RBPJL: variants seen among roughly 807,000 people sequenced by gnomAD.
RBPJL encodes the protein recombination signal binding protein for immunoglobulin kappa J region like, also known as recombining binding protein suppressor of hairless-like protein.
In RBPJL, 50 loss-of-function variants were observed where a neutral mutation model predicts 57.6. That is an observed-to-expected ratio of 0.87 (90% CI 0.69 to 1.10). RBPJL has a LOEUF of 1.10. RBPJL is among the 50% of genes least tolerant of loss of function. RBPJL has a pLI of 0.00. For missense variants in RBPJL, 684 were observed against 693.7 expected (o/e 0.99, Z 0.16); for synonymous variants, 303 against 294.4 (o/e 1.03, Z -0.30).
chr20:45,306,875 C>A lies in RBPJL; in HGVS notation c.-48C>A, dbSNP rs1204726637. On this transcript the variant is annotated 5_prime_UTR_variant, in exon 1 of 12. Coordinates refer to ENST00000343694, the MANE Select transcript of RBPJL (RefSeq NM_014276.4). ...GGGTTCCAGCGACAGCAGCACTGGA[C>A]TCGTCCAGAGGGCGGCGGGTGAGCG... The A allele has an allele frequency of 4.0e-6, 5 of 1,250,112 alleles. No individual in the cohort carries two copies. The highest frequency in any genetic ancestry group is 4.2e-5 in the Admixed American group (1 of 23,780). The allele number at this position is 1,250,112 out of a possible 1,614,324, so 77.4% of individuals were successfully genotyped here.
intron 6 of RBPJL, among the ~76,000 whole-genome samples, chr20:45,312,827 C>CAAAAAAAA (rs749039599): frequency 1.2e-5 from 1 of 84,810 alleles, no homozygotes; most frequent in African/African-American, 4.0e-5. Context: ...TTGTCTGTAC[C>CAAAAAAAA]AAAAAAAAAA....
chr20:45,308,273 GC>G, intron 2 of RBPJL, 22 bp downstream of exon 2: 1 of 1,516,290 alleles, frequency 6.6e-7, no homozygotes, highest in Non-Finnish European at 9.2e-7. Context: ...GTGGCAGCGT[GC>G]CCTAGGTGGG....
Position 45,313,410 on chromosome 20 carries a change from C to CCCCTCACCCTAACCCTGACCCTCA in RBPJL, c.620-26_620-3dup, listed in dbSNP as rs1166358048. On this transcript the variant is annotated intron_variant, in intron 6 of 11. Coordinates refer to ENST00000343694, the MANE Select transcript of RBPJL (RefSeq NM_014276.4). ...ACCCCAATCCTAACCCTAACCCTAT[C>CCCCTCACCCTAACCCTGACCCTCA]CCCTCACCCTAACCCTGACCCTCAC... The CCCCTCACCCTAACCCTGACCCTCA allele has an allele frequency of 2.1e-4, 306 of 1,424,706 alleles. 1 individual carries two copies. In the African/African-American group the frequency reaches 3.6e-3, roughly 17 times the overall value. 88.3% of individuals were successfully genotyped at this position (1,424,706 alleles called of 1,614,324 possible).
intron 3 of RBPJL, among the ~76,000 whole-genome samples, chr20:45,310,007 G>A (rs977746483): frequency 6.6e-5 from 10 of 152,138 alleles, no homozygotes; most frequent in Non-Finnish European, 1.5e-4. Flanking sequence ...GTACTGCTGG[G>A]CACTGGGCAT....
In RBPJL at chr20:45,311,625, G is replaced by A. The variant is rs755677975; in HGVS notation, c.294G>A (p.Gly98=). 2.5e-6 allele frequency: 4 copies of A among 1,614,176 alleles called. No homozygotes were observed. The East Asian group carries it at 8.9e-5, about 36-fold the overall frequency. Residue 98 remains glycine (G), a synonymous_variant, in exon 4 of 12, where the codon GGG becomes GGA. Transcript: ENST00000343694. ...FCPPPCVYLS[G]PGWRVKPGQD... is the part of the protein sequence containing the mutation. The stretch of plus-strand genomic sequence containing the variant: ...CCCCGCCCTGTGTCTACCTCTCGGG[G>A]CCTGGCTGGAGGGTGAAGCCAGGGC...
chr20:45,312,005 C>A, intron 5 of RBPJL, 51 bp downstream of exon 5: 1 of 1,481,366 alleles, frequency 6.8e-7, no homozygotes, highest in South Asian at 1.2e-5. Context: ...CCTGCCTCTC[C>A]TGGGAAAGGA....
At position 45,306,906 on chromosome 20, in the gene RBPJL, G is replaced by T; in HGVS notation, c.-17G>T. On this transcript the variant is annotated 5_prime_UTR_variant, in exon 1 of 12. Coordinates refer to ENST00000343694, the MANE Select transcript of RBPJL (RefSeq NM_014276.4). ...CAGAGGGCGGCGGGTGAGCGGCTGGGGCCCCGTGGAGCCACCATGGACCCC... is the reference window on the plus strand; with the variant it reads ...CAGAGGGCGGCGGGTGAGCGGCTGGTGCCCCGTGGAGCCACCATGGACCCC... 1 of 1,256,248 alleles carries T rather than the reference G, an allele frequency of 8.0e-7. No homozygotes were observed. The highest frequency in any genetic ancestry group is 1.0e-6 in the Non-Finnish European group (1 of 992,928). 77.8% of individuals were successfully genotyped at this position (1,256,248 alleles called of 1,614,324 possible). A position where few individuals can be genotyped will look rare whatever the true frequency, so the allele number is the denominator to read the frequency against.
chr20:45,309,472 C>A, intron 2 of RBPJL, 95 bp from the exon 3 acceptor site: 1 of 1,371,724 alleles, frequency 7.3e-7, no homozygotes. Context: ...TAACCCCCTG[C>A]TCACTTCATT....
intron 1 of RBPJL, among the ~76,000 whole-genome samples, chr20:45,307,716 C>T (rs1419368437): frequency 6.6e-6 from 1 of 152,212 alleles, no homozygotes; most frequent in African/African-American, 2.4e-5. Flanking sequence ...CATCACCTTT[C>T]CAAACCCCTC....
At chr20:45,311,116 C>CAAAAAAAAAAA (rs34206228) in intron 3 of RBPJL, among the ~76,000 whole-genome samples, 1 of 91,506 alleles carries the variant, frequency 1.1e-5, no homozygotes, top group Admixed American at 1.2e-4. Context: ...GACCCTGCCT[C>CAAAAAAAAAAA]AAAAAAAAAA....
intron 6 of RBPJL, among the ~76,000 whole-genome samples, chr20:45,313,137 C>T (rs1987274065): frequency 6.6e-6 from 1 of 152,128 alleles, no homozygotes; most frequent in Non-Finnish European, 1.5e-5. Context: ...CTGGGAATGC[C>T]CAGTGTATCT....
In RBPJL at chr20:45,316,846, G is replaced by T. The variant is rs754503250; in HGVS notation, c.1441G>T (p.Val481Leu). Residue 481 changes from valine (V) to leucine (L), a missense_variant, in exon 12 of 12, where the codon GTG (valine) becomes TTG (leucine). By Grantham distance (32) the Val-to-Leu change is conservative (BLOSUM62 1). Coordinates refer to ENST00000343694, the MANE Select transcript of RBPJL (RefSeq NM_014276.4). ...FSFTYTPEYS[V>L]RPGHPGVPEP... ...CTTCACCTACACCCCGGAATACAGC[G>T]TGCGGCCGGGTCACCCCGGCGTCCC... is the stretch of plus-strand genomic sequence containing the variant. The T allele has an allele frequency of 6.2e-7, 1 of 1,613,894 alleles. No individual in the cohort carries two copies. Among genetic ancestry groups the T allele is most frequent in the East Asian group, 2.2e-5 (1 of 44,862 alleles).
chr20:45,311,950 C>G lies in RBPJL; in HGVS notation c.440C>G (p.Ser147Cys). The G allele has an allele frequency of 6.5e-7, 1 of 1,550,348 alleles. No homozygotes were observed. The highest frequency in any genetic ancestry group is 8.7e-7 in the Non-Finnish European group (1 of 1,146,106). ...QKLNFEQQPD[S>C]REFGCAKTLY... Reference sequence around the variant, plus strand: ...CTGAATTTCGAGCAGCAGCCGGACTCCAGGGTGAGAGCGCACGGGAAGGGG... The same window carrying G: ...CTGAATTTCGAGCAGCAGCCGGACTGCAGGGTGAGAGCGCACGGGAAGGGG... The change falls in exon 5 of 12, where the codon TCC (serine) becomes TGC (cysteine). Residue 147 changes from serine (S) to cysteine (C), a missense_variant. Coordinates refer to ENST00000343694, the MANE Select transcript of RBPJL (RefSeq NM_014276.4).
In RBPJL at chr20:45,309,638, C is replaced by T; in HGVS notation, c.203C>T (p.Thr68Ile). ...TGCCTGCAGCAACAGTGTGAACAGA[C>T]TGTGCGGATCCTGCATGCCAAGGTG... ...RRCLQQQCEQ[T>I]VRILHAKVAQ... is the part of the protein sequence containing the mutation. The change falls in exon 3 of 12, where the codon ACT becomes ATT. Residue 68 changes from threonine to isoleucine, a missense_variant. Physicochemically the swap from Thr to Ile is moderately conservative, Grantham distance 89. Coordinates refer to ENST00000343694, the MANE Select transcript of RBPJL (RefSeq NM_014276.4). 6.2e-7 allele frequency: 1 copy of T among 1,613,646 alleles called. No individual in the cohort carries two copies. Among genetic ancestry groups the T allele is most frequent in the Non-Finnish European group, 8.5e-7 (1 of 1,179,754 alleles).
At chr20:45,311,116 C>CAAAAAA (rs34206228) in intron 3 of RBPJL, among the ~76,000 whole-genome samples, 3 of 91,442 alleles carry the variant, frequency 3.3e-5, no homozygotes, top group Admixed American at 1.2e-4. Flanking sequence ...GACCCTGCCT[C>CAAAAAA]AAAAAAAAAA....
chr20:45,313,714 T>A, intron 7 of RBPJL, 109 bp downstream of exon 7: 1 of 1,211,374 alleles, frequency 8.3e-7, no homozygotes, highest in Non-Finnish European at 1.1e-6. Flanking sequence ...TGATTAAGGC[T>A]CAGAAACACA....
At position 45,309,648 on chromosome 20, in the gene RBPJL, C is replaced by T. The variant is rs1161469437; in HGVS notation, c.213C>T (p.Ile71=). Residue 71 remains isoleucine (I), a synonymous_variant, in exon 3 of 12, where the codon ATC becomes ATT. Coordinates refer to ENST00000343694, the MANE Select transcript of RBPJL (RefSeq NM_014276.4). ...AACAGTGTGAACAGACTGTGCGGATCCTGCATGCCAAGGTGGCCCAGAAAT... is the reference window on the plus strand; with the variant it reads ...AACAGTGTGAACAGACTGTGCGGATTCTGCATGCCAAGGTGGCCCAGAAAT... ...LQQQCEQTVR[I]LHAKVAQKSY... is the part of the protein sequence containing the mutation. 6.2e-7 allele frequency: 1 copy of T among 1,613,822 alleles called. No individual in the cohort carries two copies.
At position 45,312,205 on chromosome 20, in the gene RBPJL, C is replaced by T; in HGVS notation, c.445-16C>T. 6.2e-7 allele frequency: 1 copy of T among 1,613,980 alleles called. No individual in the cohort carries two copies. Among genetic ancestry groups the T allele is most frequent in the Non-Finnish European group, 8.5e-7 (1 of 1,180,004 alleles). ...AGGGCTGGGATGAGATGGCCCTGTACCTGTGAGCCCCCTAGGAATTCGGCT... is the reference window on the plus strand; with the variant it reads ...AGGGCTGGGATGAGATGGCCCTGTATCTGTGAGCCCCCTAGGAATTCGGCT... On this transcript the variant is annotated splice_polypyrimidine_tract_variant and intron_variant, in intron 5 of 11. Transcript: ENST00000343694.
intron 3 of RBPJL, 119 bp from the exon 4 acceptor site, chr20:45,311,470 T>G: frequency 1.2e-6 from 1 of 863,230 alleles, no homozygotes; most frequent in Non-Finnish European, 1.9e-6. Context: ...GAAAAAGCGT[T>G]GCGGGGAGCG....
Sources: allele counts gnomAD v4.1 joint callset (sites outside exome capture counted in the v4.1 genomes callset), GRCh38; gene constraint gnomAD v4.1.1; transcripts MANE v1.5; gene names NCBI Gene and HGNC (gene_info 2026-07-23, HGNC 2026-07-21).